FARS2: variants seen among roughly 807,000 people sequenced by gnomAD.
The protein encoded by FARS2 is phenylalanine--tRNA ligase, mitochondrial.
FARS2 carries 40 observed loss-of-function variants against 46.4 expected under a neutral mutation model. The observed-to-expected ratio is 0.86, with a 90% confidence interval of 0.67 to 1.12. The LOEUF is 1.12. FARS2 is among the 50% of genes most tolerant of loss of function. The pLI, the probability that FARS2 is intolerant of heterozygous loss-of-function variation, is 0.00. For missense variants in FARS2, 513 were observed against 567.9 expected (o/e 0.90, Z 0.98); for synonymous variants, 234 against 214.9 (o/e 1.09, Z -0.78).
At chr6:5,696,360 T>C (rs1256768091) in intron 6 of FARS2, among the ~76,000 whole-genome samples, 1 of 152,232 alleles carries the variant, frequency 6.6e-6, no homozygotes, top group African/African-American at 2.4e-5. Context: ...TTTAGCACTT[T>C]ATACAGCTTG....
intron 6 of FARS2, among the ~76,000 whole-genome samples, chr6:5,652,424 C>A (rs1777412467): frequency 6.6e-6 from 1 of 152,212 alleles, no homozygotes. Context: ...GAATAAATAC[C>A]TGGTAGTACT....
chr6:5,532,780 T>G (rs35387023), intron 4 of FARS2, among the ~76,000 whole-genome samples: 5,841 of 146,270 alleles, frequency 0.04, 130 homozygotes, highest in South Asian at 0.13. Context: ...ATAATAATAA[T>G]AATAAGAAGA....
chr6:5,688,809 C>T (rs560653846), intron 6 of FARS2, among the ~76,000 whole-genome samples: 107 of 152,236 alleles, frequency 7.0e-4, no homozygotes, highest in Non-Finnish European at 4.4e-4. Flanking sequence ...TGGTAGAATT[C>T]GGCTGTGAAT....
At chr6:5,427,810 G>A (rs760488133) in intron 3 of FARS2, among the ~76,000 whole-genome samples, 5 of 152,088 alleles carry the variant, frequency 3.3e-5, no homozygotes, top group Admixed American at 6.5e-5. Flanking sequence ...GCTTGTGGTG[G>A]CTGAGATCTT....
intron 1 of FARS2, among the ~76,000 whole-genome samples, chr6:5,328,062 C>A (rs951150949): frequency 1.3e-5 from 2 of 152,184 alleles, no homozygotes; most frequent in African/African-American, 4.8e-5. Context: ...AGAGTACCTG[C>A]AATTCATGTC....
At chr6:5,264,697 G>A (rs1157926460) in intron 1 of FARS2, among the ~76,000 whole-genome samples, 16 of 151,816 alleles carry the variant, frequency 1.1e-4, no homozygotes, top group Admixed American at 8.5e-4. Flanking sequence ...GTGAGCCACC[G>A]CGCCCGGCCC....
At chr6:5,622,790 T>TACTC (rs1417693882) in intron 6 of FARS2, among the ~76,000 whole-genome samples, 1 of 152,268 alleles carries the variant, frequency 6.6e-6, no homozygotes, top group Non-Finnish European at 1.5e-5. Flanking sequence ...GTGTATTAAT[T>TACTC]ACTCAATCTA....
chr6:5,628,275 G>A (rs921230119), intron 6 of FARS2, among the ~76,000 whole-genome samples: 2 of 152,296 alleles, frequency 1.3e-5, no homozygotes, highest in Middle Eastern at 3.4e-3. Context: ...ATTTCTGAAG[G>A]AAGGTAACAT....
intron 5 of FARS2, among the ~76,000 whole-genome samples, chr6:5,562,914 C>T (rs1009938362): frequency 1.3e-5 from 2 of 151,822 alleles, no homozygotes; most frequent in Non-Finnish European, 2.9e-5. Context: ...AGCGATTCTC[C>T]TGCCTAAGCC....
chr6:5,259,789 G>A (rs1037052424), upstream of FARS2, among the ~76,000 whole-genome samples: 19 of 151,882 alleles, frequency 1.3e-4, no homozygotes, highest in African/African-American at 4.8e-5. Flanking sequence ...AGAGAGACAG[G>A]TAGTTAGTAA....
chr6:5,477,640 G>A (rs925198685), intron 4 of FARS2, among the ~76,000 whole-genome samples: 1 of 152,174 alleles, frequency 6.6e-6, no homozygotes, highest in African/African-American at 2.4e-5. Context: ...CTGGGCCTCA[G>A]TTTACAAATT....
the FARS2 span, among the ~76,000 whole-genome samples, chr6:5,252,624 T>C: frequency 6.6e-6 from 1 of 152,226 alleles, no homozygotes; most frequent in Non-Finnish European, 1.5e-5. Context: ...TCACTAGAGA[T>C]GCTAGAATAG....
At chr6:5,648,784 A>G (rs140622735) in intron 6 of FARS2, among the ~76,000 whole-genome samples, 2 of 152,272 alleles carry the variant, frequency 1.3e-5, no homozygotes, top group East Asian at 3.9e-4. Flanking sequence ...TTAGTTATAT[A>G]AAAATATTAC....
chr6:5,619,576 C>T (rs998488227), intron 6 of FARS2, among the ~76,000 whole-genome samples: 5 of 152,324 alleles, frequency 3.3e-5, no homozygotes, highest in Non-Finnish European at 5.9e-5. Flanking sequence ...TGAACTTCCT[C>T]ATGGTTATAT....
chr6:5,442,281 T>A (rs1267339668), intron 4 of FARS2, among the ~76,000 whole-genome samples: 1 of 152,128 alleles, frequency 6.6e-6, no homozygotes, highest in African/African-American at 2.4e-5. Flanking sequence ...GCAGGAATTC[T>A]ACATTTATAT....
chr6:5,385,432 T>TC (rs1049706596), intron 2 of FARS2, among the ~76,000 whole-genome samples: 7 of 151,802 alleles, frequency 4.6e-5, no homozygotes, highest in Non-Finnish European at 8.8e-5. Flanking sequence ...CTTTTCTTTT[T>TC]TTTTTTTTGA....
intron 1 of FARS2, among the ~76,000 whole-genome samples, chr6:5,358,666 A>G (rs541633024): frequency 1.4e-4 from 22 of 152,364 alleles, no homozygotes; most frequent in Middle Eastern, 3.4e-3. Flanking sequence ...ATGATTGGGA[A>G]TCACTACAAT....
At chr6:5,402,054 T>C (rs1254320185) in intron 2 of FARS2, among the ~76,000 whole-genome samples, 1 of 152,084 alleles carries the variant, frequency 6.6e-6, no homozygotes, top group African/African-American at 2.4e-5. Context: ...CTTCTTTGCC[T>C]GTGTTCCATT....
chr6:5,641,358 A>G (rs1776809363), intron 6 of FARS2, among the ~76,000 whole-genome samples: 1 of 152,054 alleles, frequency 6.6e-6, no homozygotes, highest in African/African-American at 2.4e-5. Flanking sequence ...GTGCAGTGGC[A>G]TGATCTTGGC....
Sources: gnomAD v4.1 joint callset for allele counts (sites outside exome capture counted in the v4.1 genomes callset) on GRCh38, gnomAD v4.1.1 for gene constraint, MANE v1.5 for transcripts, NCBI Gene and HGNC (gene_info 2026-07-23, HGNC 2026-07-21) for gene names.